CNTN1: variants seen among roughly 807,000 people sequenced by gnomAD.
The protein encoded by CNTN1 is contactin-1.
In CNTN1, 38 loss-of-function variants were observed where a neutral mutation model predicts 126.4. That is an observed-to-expected ratio of 0.30 (90% CI 0.23 to 0.39). The LOEUF is 0.39. Among genes scored for constraint, CNTN1 ranks in the 10% least tolerant of loss-of-function variants. The pLI, the probability that CNTN1 is intolerant of heterozygous loss-of-function variation, is 1.00. For synonymous variants in CNTN1, 413 were observed against 422.6 expected, an observed-to-expected ratio of 0.98 and a Z score of 0.28; for missense variants, 1,009 against 1,248.4, an observed-to-expected ratio of 0.81 and a Z score of 2.89.
At chr12:40,948,004 T>A (rs1038012715) in intron 14 of CNTN1, among the ~76,000 whole-genome samples, 8 of 151,806 alleles carry the variant, frequency 5.3e-5, no homozygotes, top group Admixed American at 2.0e-4. Context: ...GATCCAGGGA[T>A]TAAAATTCTC....
intron 1 of CNTN1, among the ~76,000 whole-genome samples, chr12:40,881,414 A>G (rs962913789): frequency 1.3e-5 from 2 of 151,858 alleles, no homozygotes; most frequent in African/African-American, 4.8e-5. Flanking sequence ...TTTATCCAAT[A>G]GTAGATGTTT....
intron 23 of CNTN1, among the ~76,000 whole-genome samples, chr12:41,042,541 T>C (rs749627407): frequency 1.7e-3 from 258 of 152,196 alleles, no homozygotes; most frequent in Non-Finnish European, 2.2e-3. Context: ...ATTATTATTG[T>C]GTGGGAGTCT....
chr12:40,948,934 A>G (rs570808193), intron 14 of CNTN1, among the ~76,000 whole-genome samples: 2 of 152,316 alleles, frequency 1.3e-5, no homozygotes, highest in South Asian at 4.1e-4. Flanking sequence ...GTAGACAGGT[A>G]TGCTAGGTGT....
intron 23 of CNTN1, among the ~76,000 whole-genome samples, chr12:41,037,163 A>G (rs1949284827): frequency 6.6e-6 from 1 of 152,158 alleles, no homozygotes; most frequent in African/African-American, 2.4e-5. Context: ...AATGTTATTA[A>G]TGATGGATTG....
intron 1 of CNTN1, among the ~76,000 whole-genome samples, chr12:40,741,676 G>T (rs1937949821): frequency 1.3e-5 from 2 of 151,984 alleles, no homozygotes; most frequent in African/African-American, 4.8e-5. Flanking sequence ...ATGTGACATT[G>T]AGTTACCACT....
chr12:41,024,256 A>G (rs763401777), intron 20 of CNTN1, among the ~76,000 whole-genome samples: 1 of 152,208 alleles, frequency 6.6e-6, no homozygotes, highest in Non-Finnish European at 1.5e-5. Flanking sequence ...TTGTGAAATT[A>G]CAATCCCGTT....
At chr12:40,949,918 A>G (rs1946605041) in intron 14 of CNTN1, among the ~76,000 whole-genome samples, 1 of 151,420 alleles carries the variant, frequency 6.6e-6, no homozygotes. Context: ...ATCCAGAATT[A>G]TGTGGGAGAA....
chr12:40,835,028 A>C (rs924553662), intron 1 of CNTN1, among the ~76,000 whole-genome samples: 1 of 152,196 alleles, frequency 6.6e-6, no homozygotes, highest in African/African-American at 2.4e-5. Context: ...AAAGTGGAGA[A>C]TAAGAACTTT....
At chr12:40,983,185 ATTC>A (rs1251304163) in intron 16 of CNTN1, among the ~76,000 whole-genome samples, 1 of 152,026 alleles carries the variant, frequency 6.6e-6, no homozygotes, top group African/African-American at 2.4e-5. Flanking sequence ...ATCTTTTCCA[ATTC>A]TTCTACTTTC....
intron 1 of CNTN1, among the ~76,000 whole-genome samples, chr12:40,900,300 GAT>G (rs1483098862): frequency 6.6e-6 from 1 of 152,128 alleles, no homozygotes; most frequent in East Asian, 1.9e-4. Context: ...TTTTTACTGG[GAT>G]AATTTAAGCC....
In CNTN1 at chr12:40,698,228, A is replaced by ATTTTTTTTTTTTTT. The variant is rs35570862; in HGVS notation, c.-77+5651_-77+5664dup. Among the ~76,000 whole-genome samples the ATTTTTTTTTTTTTT allele has an allele frequency of 4.0e-4, 28 of 69,884 alleles. 1 individual carries two copies. The highest frequency in any genetic ancestry group is 1.6e-3 in the African/African-American group (28 of 17,208). 45.8% of individuals were successfully genotyped at this position (69,884 alleles called of 152,430 possible). ...AGCGTGCTTTGAGGCCAGCCACTTAATTTTTTTTTTTTTTTTTTTTTTTTT... is the reference window on the plus strand; with the variant it reads ...AGCGTGCTTTGAGGCCAGCCACTTAATTTTTTTTTTTTTTTTTTTTTTTTTTTTTTTTTTTTTTT... On this transcript the variant is annotated intron_variant, in intron 1 of 23. Coordinates refer to ENST00000551295, the MANE Select transcript of CNTN1 (RefSeq NM_001843.4).
chr12:40,860,176 T>C (rs1943067811), intron 1 of CNTN1, among the ~76,000 whole-genome samples: 1 of 152,138 alleles, frequency 6.6e-6, no homozygotes, highest in Non-Finnish European at 1.5e-5. Context: ...TATTGCATAC[T>C]TTATTAGCTA....
chr12:40,754,508 G>T (rs940040130), intron 1 of CNTN1, among the ~76,000 whole-genome samples: 5 of 151,542 alleles, frequency 3.3e-5, no homozygotes, highest in African/African-American at 1.2e-4. Context: ...TTTTTTAATG[G>T]TTTTGAAAAA....
chr12:40,813,444 GT>G (rs938264600), intron 1 of CNTN1, among the ~76,000 whole-genome samples: 11 of 151,968 alleles, frequency 7.2e-5, no homozygotes, highest in Middle Eastern at 3.2e-3. Context: ...AACATGCAGT[GT>G]TTAGTTTTCT....
intron 1 of CNTN1, among the ~76,000 whole-genome samples, chr12:40,838,205 T>A (rs1196425756): frequency 6.6e-6 from 1 of 152,138 alleles, no homozygotes; most frequent in Non-Finnish European, 1.5e-5. Context: ...CCTACTAGCA[T>A]CCTGAAGTTG....
intron 17 of CNTN1, among the ~76,000 whole-genome samples, chr12:41,010,566 C>T (rs1028473935): frequency 3.3e-5 from 5 of 152,176 alleles, no homozygotes; most frequent in African/African-American, 1.2e-4. Context: ...AAGATGCTAT[C>T]TGGTGCTATA....
intron 1 of CNTN1, among the ~76,000 whole-genome samples, chr12:40,692,854 T>C (rs1195051805): frequency 6.6e-6 from 1 of 151,960 alleles, no homozygotes; most frequent in Non-Finnish European, 1.5e-5. Context: ...GAGCTCGGGG[T>C]CTGTGTCTCG....
In CNTN1 at chr12:40,785,281, G is replaced by T. The variant is rs534630635; in HGVS notation, c.-77+92689G>T. On this transcript the variant is annotated intron_variant, in intron 1 of 23. Transcript: ENST00000551295. ...CATGGTTCTGTAGGCTGTACAGGAA[G>T]CATGGTGCCAGCATCTCCTCAGTTT... Among the ~76,000 whole-genome samples, 4 of 152,234 alleles carry T rather than the reference G, an allele frequency of 2.6e-5. No homozygotes were observed. The East Asian group carries it at 7.7e-4, about 29-fold the overall frequency.
At chr12:40,986,071 T>C (rs1332006544) in intron 16 of CNTN1, among the ~76,000 whole-genome samples, 4 of 152,248 alleles carry the variant, frequency 2.6e-5, no homozygotes, top group African/African-American at 9.6e-5. Flanking sequence ...TTTAATATTG[T>C]TCACATAATA....
Sources: gnomAD v4.1 joint callset for allele counts (sites outside exome capture counted in the v4.1 genomes callset) on GRCh38, gnomAD v4.1.1 for gene constraint, MANE v1.5 for transcripts, NCBI Gene and HGNC (gene_info 2026-07-23, HGNC 2026-07-21) for gene names.